The following EIF3B variants were observed in gnomAD, a reference collection of about 807,000 sequenced individuals.
The protein encoded by EIF3B is eukaryotic translation initiation factor 3 subunit 9.
A neutral mutation model predicts 104.6 loss-of-function variants in EIF3B; 10 were observed. The observed-to-expected ratio is 0.10, with a 90% CI of 0.06 to 0.16. The LOEUF is 0.16. EIF3B is among the 10% of genes least tolerant of loss of function. EIF3B has a pLI of 1.00. For missense variants in EIF3B, 1,014 were observed against 1,087.9 expected, an observed-to-expected ratio of 0.93 and a Z score of 0.96; for synonymous variants, 542 against 417.2, an observed-to-expected ratio of 1.30 and a Z score of -3.65.
In EIF3B at chr7:2,379,527, G is replaced by A. The variant is rs1436072166; in HGVS notation, c.*14+16G>A. 2.0e-6 allele frequency: 3 copies of A among 1,479,358 alleles called. No homozygotes were observed. Among genetic ancestry groups the A allele is most frequent in the Non-Finnish European group, 9.3e-7 (1 of 1,081,004 alleles). The allele number at this position is 1,479,358 out of a possible 1,614,324, so 91.6% of individuals were successfully genotyped here. ...GAGCACTGTGGTGAGCGTCTGCAGG[G>A]GGCGCGATGGGGGTCCTGTTGGCTG... is the stretch of plus-strand genomic sequence containing the variant. On this transcript the variant is annotated intron_variant, in intron 18 of 18. Coordinates refer to ENST00000360876, the MANE Select transcript of EIF3B (RefSeq NM_001037283.2).
At position 2,364,422 on chromosome 7, in the gene EIF3B, T is replaced by C. The variant is rs1476434025; in HGVS notation, c.1050T>C (p.Ala350=). 3 of 1,613,228 alleles carry C rather than the reference T, an allele frequency of 1.9e-6. No individual in the cohort carries two copies. Among genetic ancestry groups the C allele is most frequent in the Non-Finnish European group, 2.5e-6 (3 of 1,179,688 alleles). The stretch of plus-strand genomic sequence containing the variant: ...GGTCTCCTAAGGGCACCTACCTGGC[T>C]ACCTTTCATCAAAGAGGCATTGCTC... ...VRWSPKGTYL[A]TFHQRGIALW... The change falls in exon 6 of 19, where the codon GCT becomes GCC. Residue 350 remains alanine (A), a synonymous_variant. Coordinates refer to ENST00000360876, the MANE Select transcript of EIF3B (RefSeq NM_001037283.2).
intron 12 of EIF3B, 27 bp from the exon 13 acceptor site, chr7:2,374,501 C>G: frequency 1.2e-6 from 2 of 1,611,694 alleles, no homozygotes; most frequent in Non-Finnish European, 1.7e-6. Flanking sequence ...CCTCGCAGCT[C>G]GTGACAGGCG....
In EIF3B at chr7:2,380,174, C is replaced by G. The variant is rs113034129; in HGVS notation, c.*15-30C>G. The G allele has an allele frequency of 5.8e-3, 1,987 of 341,138 alleles. 35 individuals are homozygous for G. Among genetic ancestry groups the G allele is most frequent in the African/African-American group, 0.04 (1,830 of 46,078 alleles). 21.1% of individuals were successfully genotyped at this position (341,138 alleles called of 1,614,324 possible). On this transcript the variant is annotated intron_variant, in intron 18 of 18. Coordinates refer to ENST00000360876, the MANE Select transcript of EIF3B (RefSeq NM_001037283.2). ...GTCCCTCAGCCTTTTGAGGTGGTGC[C>G]GTTTAGGGCCGCCATGCCTGTCTAT...
At chr7:2,375,841 A>G in intron 14 of EIF3B, 1 of 327,628 alleles carries the variant, frequency 3.1e-6, no homozygotes, top group Admixed American at 4.2e-5. Context: ...ACAGAGTTCC[A>G]TAACCGCAGA....
chr7:2,363,015 G>T, intron 3 of EIF3B, 55 bp from the exon 4 acceptor site: 2 of 1,594,304 alleles, frequency 1.3e-6, no homozygotes, highest in Non-Finnish European at 8.6e-7. Context: ...GCCCCCACGA[G>T]TTGCTCTTTC....
chr7:2,373,904 C>T (rs1038525775), intron 12 of EIF3B: 3 of 152,158 alleles, frequency 2.0e-5, no homozygotes, highest in East Asian at 1.9e-4. Flanking sequence ...ACATCTCCTC[C>T]CCTCCTCCCC....
At chr7:2,372,920 A>T in intron 12 of EIF3B, 125 bp downstream of exon 12, 1 of 1,120,840 alleles carries the variant, frequency 8.9e-7, no homozygotes, top group Admixed American at 2.7e-5. Flanking sequence ...TCGCCTATGA[A>T]TGGGGTGTGG....
At chr7:2,363,364 G>T (rs544008702) in intron 4 of EIF3B, among the ~76,000 whole-genome samples, 5 of 152,044 alleles carry the variant, frequency 3.3e-5, no homozygotes, top group South Asian at 4.2e-4. Flanking sequence ...GAGGCTGAGG[G>T]GGGAGGATCA....
Position 2,378,677 on chromosome 7 carries a change from C to G in EIF3B, c.2155-12C>G, listed in dbSNP as rs750016469. 15 of 1,612,138 alleles carry G rather than the reference C, an allele frequency of 9.3e-6. No homozygotes were observed. The highest frequency in any genetic ancestry group is 1.1e-5 in the Non-Finnish European group (13 of 1,178,440). On this transcript the variant is annotated splice_polypyrimidine_tract_variant and intron_variant, in intron 15 of 18. Coordinates refer to ENST00000360876, the MANE Select transcript of EIF3B (RefSeq NM_001037283.2). ...GAATGTTAAATCCTGAGTGATGGGT[C>G]TTTTGTTTCAGCAAATTAAAAAGGA...
chr7:2,373,817 C>T (rs989981134), intron 12 of EIF3B: 1 of 152,256 alleles, frequency 6.6e-6, no homozygotes, highest in African/African-American at 2.4e-5. Flanking sequence ...TGGGCTCCAT[C>T]CCATGCCCGT....
intron 11 of EIF3B, 74 bp downstream of exon 11, chr7:2,371,923 T>C: frequency 3.4e-6 from 4 of 1,190,086 alleles, no homozygotes; most frequent in Non-Finnish European, 5.0e-6. Flanking sequence ...AACACTTCCA[T>C]GCGAGGGGTT....
chr7:2,379,238 A>G lies in EIF3B; in HGVS notation c.2337A>G (p.Arg779=). The G allele has an allele frequency of 6.2e-7, 1 of 1,611,550 alleles. No homozygotes were observed. Among genetic ancestry groups the G allele is most frequent in the African/African-American group, 1.3e-5 (1 of 74,944 alleles). ...MEQKNERLEL[R]GGVDTDELDS... ...AGAAAAACGAGCGCCTGGAGTTGCG[A>G]GGAGGTAACTTAGAGATCCCTCAGT... Residue 779 remains arginine, a synonymous_variant, in exon 17 of 19, where the codon CGA becomes CGG. Transcript: ENST00000360876.
intron 1 of EIF3B, among the ~76,000 whole-genome samples, chr7:2,356,910 A>G (rs762409381): frequency 2.0e-5 from 3 of 152,166 alleles, no homozygotes; most frequent in Non-Finnish European, 4.4e-5. Context: ...ACCACAAACT[A>G]AAGACTTTGG....
intron 6 of EIF3B, among the ~76,000 whole-genome samples, chr7:2,365,454 C>G (rs540612365): frequency 6.6e-6 from 1 of 152,150 alleles, no homozygotes; most frequent in Non-Finnish European, 1.5e-5. Flanking sequence ...GCTCTGTTTT[C>G]GCCCTCATGG....
At chr7:2,355,727 C>T (rs1779385910) in intron 1 of EIF3B, among the ~76,000 whole-genome samples, 1 of 152,132 alleles carries the variant, frequency 6.6e-6, no homozygotes, top group Admixed American at 6.6e-5. Context: ...TCCGTTATGG[C>T]TGGGTGTGCT....
Position 2,379,485 on chromosome 7 carries a change from G to T in EIF3B, c.2433G>T (p.Gly811=). Residue 811 remains glycine, a synonymous_variant, in exon 18 of 19, where the codon GGG becomes GGT. Coordinates refer to ENST00000360876, the MANE Select transcript of EIF3B (RefSeq NM_001037283.2). Reference sequence around the variant, plus strand: ...TCACTGAAGAAATCATTCCCCTCGGGAATCAGGAGTGACCTGGAGCACTGT... The same window carrying T: ...TCACTGAAGAAATCATTCCCCTCGGTAATCAGGAGTGACCTGGAGCACTGT... ...FFVTEEIIPL[G]NQE 2 of 1,573,710 alleles carry T rather than the reference G, an allele frequency of 1.3e-6. No individual in the cohort carries two copies. Among genetic ancestry groups the T allele is most frequent in the Non-Finnish European group, 1.7e-6 (2 of 1,158,812 alleles).
At chr7:2,365,952 C>A (rs1288597605) in intron 6 of EIF3B, among the ~76,000 whole-genome samples, 1 of 152,162 alleles carries the variant, frequency 6.6e-6, no homozygotes, top group African/African-American at 2.4e-5. Flanking sequence ...TCCCAAAGTG[C>A]TGGGATTACA....
At position 2,363,146 on chromosome 7, in the gene EIF3B, A is replaced by G. The variant is rs750926423; in HGVS notation, c.870+19A>G. 2 of 1,612,570 alleles carry G rather than the reference A, an allele frequency of 1.2e-6. No individual in the cohort carries two copies. The highest frequency in any genetic ancestry group is 8.5e-7 in the Non-Finnish European group (1 of 1,178,968). ...AGACCTGGTGAGTGGCCTGAAACCT[A>G]CATCTCAGTGGTTTAAAGAAATGCT... On this transcript the variant is annotated intron_variant, in intron 4 of 18. Coordinates refer to ENST00000360876, the MANE Select transcript of EIF3B (RefSeq NM_001037283.2).
rs1392032821 is a variant in EIF3B at position 2,377,193 on chromosome 7, G to C, written c.2154+118G>C. The C allele has an allele frequency of 3.0e-6, 4 of 1,342,564 alleles. No homozygotes were observed. The African/African-American group carries it at 4.4e-5, about 15-fold the overall frequency. The allele number at this position is 1,342,564 out of a possible 1,614,324, so 83.2% of individuals were successfully genotyped here. On this transcript the variant is annotated intron_variant, in intron 15 of 18. Coordinates refer to ENST00000360876, the MANE Select transcript of EIF3B (RefSeq NM_001037283.2). Reference sequence around the variant, plus strand: ...ACTGGGGGATAAAAACGTGACATTTGCAAGGATTCTTTGAAGAGACGCAGG... The same window carrying C: ...ACTGGGGGATAAAAACGTGACATTTCCAAGGATTCTTTGAAGAGACGCAGG...
Sources: gnomAD v4.1 joint callset for allele counts (sites outside exome capture counted in the v4.1 genomes callset) on GRCh38, gnomAD v4.1.1 for gene constraint, MANE v1.5 for transcripts, NCBI Gene and HGNC (gene_info 2026-07-23, HGNC 2026-07-21) for gene names.